The following IL1RAPL2 variants were observed in gnomAD, a reference collection of about 807,000 sequenced individuals.
IL1RAPL2 encodes X-linked interleukin-1 receptor accessory protein-like 2.
Under a neutral mutation model 44.1 loss-of-function variants are expected in IL1RAPL2, and 3 were observed. The ratio of observed to expected loss-of-function variants is 0.07; its 90% CI spans 0.03 to 0.18. The LOEUF is 0.18. Ranked by LOEUF, IL1RAPL2 falls within the 10% of genes least tolerant of loss-of-function variation. The probability of loss-of-function intolerance (pLI) is 1.00; values close to 1 mark genes in which losing one functional copy is unlikely to be tolerated. For missense variants in IL1RAPL2, 391 were observed against 496.4 expected (o/e 0.79, Z 2.02); for synonymous variants, 181 against 178.8 (o/e 1.01, Z -0.10).
chrX:105,461,032 T>A lies in IL1RAPL2; in HGVS notation c.698-23281T>A, dbSNP rs2036089508. 1.8e-5 allele frequency among the ~76,000 whole-genome samples: 2 copies of A among 112,047 alleles called. 1 individual carries two copies. The highest frequency in any genetic ancestry group is 1.9e-4 in the Admixed American group (2 of 10,539). ...AGTCTATTCTCTCTTATGTATTTGC[T>A]AGTTTTTTATGTAGAAAATGTGAAT... On this transcript the variant is annotated intron_variant, in intron 5 of 10. Transcript: ENST00000372582.
chrX:105,385,781 C>T (rs780722837), intron 5 of IL1RAPL2, among the ~76,000 whole-genome samples: 1 of 110,455 alleles, frequency 9.1e-6, no homozygotes, highest in Non-Finnish European at 1.9e-5. Flanking sequence ...AGTAGAGGAA[C>T]TATTAAGTAA....
intron 2 of IL1RAPL2, among the ~76,000 whole-genome samples, chrX:104,743,292 T>C (rs191183283): frequency 2.0e-3 from 207 of 105,840 alleles, no homozygotes; most frequent in Non-Finnish European, 3.3e-3. Flanking sequence ...AGACCTTTTT[T>C]CTGCCTTTTT....
Position 105,212,906 on chromosome X carries a change from A to G in IL1RAPL2, c.356+17158A>G, listed in dbSNP as rs1252902032. On this transcript the variant is annotated intron_variant, in intron 3 of 10. Transcript: ENST00000372582. ...GAGGGACGTGACTGTTAGAAGAAAAACTAACAAACAGAAACCAACAACATC... is the reference window on the plus strand; with the variant it reads ...GAGGGACGTGACTGTTAGAAGAAAAGCTAACAAACAGAAACCAACAACATC... Among the ~76,000 whole-genome samples, 5 of 112,214 alleles carry G rather than the reference A, an allele frequency of 4.5e-5. No individual in the cohort carries two copies. In the East Asian group the frequency reaches 1.4e-3, roughly 32 times the overall value.
intron 2 of IL1RAPL2, among the ~76,000 whole-genome samples, chrX:104,660,983 G>T (rs1930389339): frequency 1.8e-5 from 2 of 109,201 alleles, no homozygotes; most frequent in African/African-American, 6.7e-5. Flanking sequence ...CACACATATA[G>T]AAGGTTATCA....
At chrX:105,438,909 G>T (rs1023488290) in intron 5 of IL1RAPL2, among the ~76,000 whole-genome samples, 3 of 110,807 alleles carry the variant, frequency 2.7e-5, no homozygotes, top group Non-Finnish European at 5.7e-5. Context: ...ATCCTCAGCT[G>T]TCAGGGAGGG....
intron 2 of IL1RAPL2, among the ~76,000 whole-genome samples, chrX:104,924,220 T>G (rs762792126): frequency 3.6e-5 from 4 of 111,644 alleles, no homozygotes; most frequent in Non-Finnish European, 7.5e-5. Context: ...AGTGGGAGAC[T>G]TGAACATTCC....
In IL1RAPL2 at chrX:104,658,995, G is replaced by A. The variant is rs1930334224; in HGVS notation, c.82G>A (p.Val28Met). ...GAAGATGGTGTCAAAGAGAAATTCT[G>A]GTAAGTTGCTGGCAACTTGCCACTA... is the stretch of plus-strand genomic sequence containing the variant. ...NLKMVSKRNSVDGCIDWSVDL... is the reference protein window; with the variant it reads ...NLKMVSKRNSMDGCIDWSVDL... Residue 28 changes from valine (V) to methionine (M), a missense_variant and splice_region_variant, in exon 2 of 11, where the codon GTG becomes ATG. Coordinates refer to ENST00000372582, the MANE Select transcript of IL1RAPL2 (RefSeq NM_017416.2). 8.4e-7 allele frequency: 1 copy of A among 1,189,165 alleles called. No individual in the cohort carries two copies. Among genetic ancestry groups the A allele is most frequent in the Admixed American group, 2.2e-5 (1 of 44,972 alleles).
intron 6 of IL1RAPL2, among the ~76,000 whole-genome samples, chrX:105,643,064 G>A (rs2037580386): frequency 1.8e-5 from 2 of 112,325 alleles, no homozygotes; most frequent in Non-Finnish European, 3.7e-5. Context: ...ACTTTTCAAT[G>A]GATAAATATT....
intron 5 of IL1RAPL2, among the ~76,000 whole-genome samples, chrX:105,352,175 C>A (rs12840529): frequency 5.4e-5 from 6 of 111,851 alleles, no homozygotes; most frequent in Admixed American, 1.9e-4. Flanking sequence ...AGAGATCTGC[C>A]TGCCTCAGCC....
intron 6 of IL1RAPL2, among the ~76,000 whole-genome samples, chrX:105,542,299 A>G (rs1177141825): frequency 2.7e-5 from 3 of 112,186 alleles, no homozygotes; most frequent in Admixed American, 9.5e-5. Flanking sequence ...TATTTTATAT[A>G]TGATGCTACA....
At chrX:104,999,372 A>G (rs1029979231) in intron 2 of IL1RAPL2, among the ~76,000 whole-genome samples, 16 of 111,104 alleles carry the variant, frequency 1.4e-4, no homozygotes, top group African/African-American at 4.3e-4. Flanking sequence ...GAAGGTGTGA[A>G]ATATTTTTTA....
rs1488925418 is a variant in IL1RAPL2, at chrX:105,118,106, CA to C, written c.83-77365del. 1.3e-3 allele frequency among the ~76,000 whole-genome samples: 149 copies of C among 112,424 alleles called. 1 individual carries two copies. Among genetic ancestry groups the C allele is most frequent in the Non-Finnish European group, 2.1e-3 (111 of 53,257 alleles). On this transcript the variant is annotated intron_variant, in intron 2 of 10. Transcript: ENST00000372582. ...TCAACAAATATTCAAAGGGAAATTCCAAAATAGTTGTTTAAAGTGGCTAAGT... is the reference window on the plus strand; with the variant it reads ...TCAACAAATATTCAAAGGGAAATTCCAAATAGTTGTTTAAAGTGGCTAAGT...
intron 2 of IL1RAPL2, among the ~76,000 whole-genome samples, chrX:105,058,009 T>C (rs1423025905): frequency 3.8e-5 from 4 of 104,514 alleles, no homozygotes; most frequent in South Asian, 4.5e-4. Flanking sequence ...AGTGCAGTGG[T>C]GCGATCTCGG....
chrX:105,340,559 A>T (rs1210251151), intron 5 of IL1RAPL2, among the ~76,000 whole-genome samples: 1 of 112,015 alleles, frequency 8.9e-6, no homozygotes, highest in Non-Finnish European at 1.9e-5. Flanking sequence ...CACTTCAGCC[A>T]CATTGGCCAC....
chrX:104,884,423 GC>G (rs1569333404), intron 2 of IL1RAPL2, among the ~76,000 whole-genome samples: 2 of 111,412 alleles, frequency 1.8e-5, no homozygotes, highest in African/African-American at 6.5e-5. Flanking sequence ...AGGGACTGTT[GC>G]AGGTTCTTGG....
chrX:105,058,050 G>C (rs1177854627), intron 2 of IL1RAPL2, among the ~76,000 whole-genome samples: 1 of 107,828 alleles, frequency 9.3e-6, no homozygotes. Flanking sequence ...CCGGGTTCAC[G>C]CCATTCTCCT....
chrX:105,026,537 C>A (rs893146812), intron 2 of IL1RAPL2, among the ~76,000 whole-genome samples: 2 of 110,824 alleles, frequency 1.8e-5, no homozygotes, highest in African/African-American at 6.5e-5. Context: ...AAATCAGTAA[C>A]ATTTCTATAT....
chrX:105,229,248 C>A (rs182216661), intron 3 of IL1RAPL2, among the ~76,000 whole-genome samples: 2 of 111,949 alleles, frequency 1.8e-5, no homozygotes, highest in African/African-American at 6.5e-5. Context: ...ATTGTTAGCA[C>A]GAACTGTGCC....
chrX:105,666,928 A>ACG (rs2037775728), intron 6 of IL1RAPL2, among the ~76,000 whole-genome samples: 4 of 111,719 alleles, frequency 3.6e-5, no homozygotes. Flanking sequence ...GAAGCACATC[A>ACG]CGCGCTGTTG....
Sources: allele counts gnomAD v4.1 joint callset (sites outside exome capture counted in the v4.1 genomes callset), GRCh38; gene constraint gnomAD v4.1.1; transcripts MANE v1.5; gene names NCBI Gene and HGNC (gene_info 2026-07-23, HGNC 2026-07-21).